GRIA4: variants seen among roughly 807,000 people sequenced by gnomAD.
GRIA4 encodes glutamate receptor 4.
In GRIA4, 34 loss-of-function variants were observed where a neutral mutation model predicts 104.0. That is an observed-to-expected ratio of 0.33 (90% confidence interval 0.25 to 0.44). The LOEUF (loss-of-function observed/expected upper bound fraction) is 0.44. GRIA4 is among the 20% of genes least tolerant of loss of function. The pLI, the probability that GRIA4 is intolerant of heterozygous loss-of-function variation, is 1.00. For synonymous variants in GRIA4, 386 were observed against 381.9 expected (o/e 1.01, Z -0.13); for missense variants, 750 against 1,096.5 (o/e 0.68, Z 4.46).
At chr11:105,967,605 G>C (rs554950196) in intron 14 of GRIA4, among the ~76,000 whole-genome samples, 15 of 151,486 alleles carry the variant, frequency 9.9e-5, no homozygotes, top group African/African-American at 3.2e-4. Context: ...ATTTTAACAA[G>C]TAGGTTTCCA....
intron 3 of GRIA4, among the ~76,000 whole-genome samples, chr11:105,651,108 T>C (rs1332467902): frequency 6.6e-6 from 1 of 152,174 alleles, no homozygotes; most frequent in Admixed American, 6.6e-5. Flanking sequence ...AAGTAACTTA[T>C]TAAATACAAG....
chr11:105,804,848 T>G (rs889776539), intron 4 of GRIA4, among the ~76,000 whole-genome samples: 3 of 151,912 alleles, frequency 2.0e-5, no homozygotes, highest in African/African-American at 7.2e-5. Flanking sequence ...ATCATTGCAG[T>G]GGGATTTTCA....
chr11:105,814,768 C>T (rs1324891354), intron 4 of GRIA4, among the ~76,000 whole-genome samples: 1 of 152,176 alleles, frequency 6.6e-6, no homozygotes, highest in African/African-American at 2.4e-5. Flanking sequence ...GTATGAGCAT[C>T]TATTCTCTTA....
At chr11:105,660,401 A>G (rs973341850) in intron 3 of GRIA4, among the ~76,000 whole-genome samples, 1 of 151,724 alleles carries the variant, frequency 6.6e-6, no homozygotes, top group South Asian at 2.1e-4. Context: ...AGATCTAGGG[A>G]CATTTTTACC....
chr11:105,699,509 T>C (rs1953408176), intron 3 of GRIA4, among the ~76,000 whole-genome samples: 1 of 152,194 alleles, frequency 6.6e-6, no homozygotes, highest in African/African-American at 2.4e-5. Context: ...TTTCAGTCCG[T>C]TCTGCCAGAA....
At chr11:105,710,771 A>G (rs1953882410) in intron 3 of GRIA4, among the ~76,000 whole-genome samples, 1 of 152,164 alleles carries the variant, frequency 6.6e-6, no homozygotes, top group African/African-American at 2.4e-5. Flanking sequence ...CTTGACTAAT[A>G]AAATTCATGG....
intron 14 of GRIA4, among the ~76,000 whole-genome samples, chr11:105,939,144 C>A (rs1948123177): frequency 6.6e-6 from 1 of 152,136 alleles, no homozygotes; most frequent in Non-Finnish European, 1.5e-5. Context: ...AATCTTTTGA[C>A]AGTTCATTCA....
rs1017570143 is a variant in GRIA4 at position 105,886,705 on chromosome 11, C to T, written c.673-814C>T. On this transcript the variant is annotated intron_variant, in intron 5 of 16. Transcript: ENST00000282499. ...TTGTGGCTTTCACTGTTATCATTGA[C>T]GACACCAGTGAAGTTACAAAGCTGC... Among the ~76,000 whole-genome samples the T allele has an allele frequency of 7.2e-5, 11 of 152,112 alleles. No homozygotes were observed. The East Asian group carries it at 1.7e-3, about 24-fold the overall frequency.
intron 4 of GRIA4, among the ~76,000 whole-genome samples, chr11:105,853,970 C>T (rs35584317): frequency 0.05 from 7,556 of 152,200 alleles, 202 homozygotes; most frequent in Non-Finnish European, 0.053. Context: ...TCCAAAGCTT[C>T]GAAGGTTTCT....
At chr11:105,701,802 A>G (rs1188388056) in intron 3 of GRIA4, among the ~76,000 whole-genome samples, 1 of 152,184 alleles carries the variant, frequency 6.6e-6, no homozygotes, top group Non-Finnish European at 1.5e-5. Context: ...TAGACCTAAT[A>G]CTATGAAATT....
At chr11:105,644,564 A>C (rs1057305123) in intron 3 of GRIA4, among the ~76,000 whole-genome samples, 1 of 152,174 alleles carries the variant, frequency 6.6e-6, no homozygotes, top group Non-Finnish European at 1.5e-5. Flanking sequence ...AGATCGTGCA[A>C]TCGCACTCCA....
chr11:105,806,304 G>T (rs569652303), intron 4 of GRIA4, among the ~76,000 whole-genome samples: 1 of 151,794 alleles, frequency 6.6e-6, no homozygotes, highest in East Asian at 1.9e-4. Context: ...ATTTAATTTA[G>T]CAGAACAGAG....
At chr11:105,927,030 A>G in intron 13 of GRIA4, 91 bp downstream of exon 13, 3 of 793,674 alleles carry the variant, frequency 3.8e-6, no homozygotes, top group Admixed American at 4.4e-5. Context: ...TTTAGCTATT[A>G]TAAGGTTTAC....
intron 3 of GRIA4, among the ~76,000 whole-genome samples, chr11:105,637,879 TTA>T (rs1248165187): frequency 6.6e-6 from 1 of 152,160 alleles, no homozygotes; most frequent in Non-Finnish European, 1.5e-5. Context: ...GGAGGATGGC[TTA>T]TCACCGATGA....
At chr11:105,670,405 C>T (rs1014071494) in intron 3 of GRIA4, among the ~76,000 whole-genome samples, 1 of 152,098 alleles carries the variant, frequency 6.6e-6, no homozygotes, top group African/African-American at 2.4e-5. Context: ...GGGAAAGAAG[C>T]CTATGCATTG....
At position 105,958,037 on chromosome 11, in the gene GRIA4, T is replaced by C. The variant is rs544400674; in HGVS notation, c.2295-13877T>C. Among the ~76,000 whole-genome samples, 90 of 152,344 alleles carry C rather than the reference T, an allele frequency of 5.9e-4. 2 individuals carry two copies. In the South Asian group the frequency reaches 0.017, roughly 29 times the overall value. ...CTGAGATGATGGGGTTTTCTAAATA[T>C]ACAATCATGTCATCTGCAAACAGGG... On this transcript the variant is annotated intron_variant, in intron 14 of 16. Transcript: ENST00000282499.
At chr11:105,684,066 G>A (rs1291485135) in intron 3 of GRIA4, among the ~76,000 whole-genome samples, 1 of 151,858 alleles carries the variant, frequency 6.6e-6, no homozygotes, top group Non-Finnish European at 1.5e-5. Flanking sequence ...TAGAGATGAG[G>A]TTTCTCCATG....
chr11:105,649,100 C>T (rs1951615061), intron 3 of GRIA4, among the ~76,000 whole-genome samples: 1 of 152,128 alleles, frequency 6.6e-6, no homozygotes, highest in South Asian at 2.1e-4. Flanking sequence ...CTACTTACAA[C>T]TCTATAAATA....
chr11:105,751,662 C>T (rs531348760), intron 3 of GRIA4, among the ~76,000 whole-genome samples: 4 of 152,114 alleles, frequency 2.6e-5, no homozygotes, highest in African/African-American at 9.6e-5. Context: ...ATCTGAATAC[C>T]TCCTTTCTTG....
Sources: allele counts gnomAD v4.1 joint callset (sites outside exome capture counted in the v4.1 genomes callset), GRCh38; gene constraint gnomAD v4.1.1; transcripts MANE v1.5; gene names NCBI Gene and HGNC (gene_info 2026-07-23, HGNC 2026-07-21).